The following IL1RAPL1 variants were observed in gnomAD, a reference collection of about 807,000 sequenced individuals.
The protein encoded by IL1RAPL1 is interleukin 1 receptor accessory protein like 1, also known as interleukin-1 receptor accessory protein-like 1.
A neutral mutation model predicts 48.4 loss-of-function variants in IL1RAPL1; 3 were observed. That is an observed-to-expected ratio of 0.06 (90% CI 0.03 to 0.16). The LOEUF (loss-of-function observed/expected upper bound fraction) is 0.16. Among genes scored for constraint, IL1RAPL1 ranks in the 10% least tolerant of loss-of-function variants. The pLI, the probability that IL1RAPL1 is intolerant of heterozygous loss-of-function variation, is 1.00. For missense variants in IL1RAPL1, 349 were observed against 530.6 expected (o/e 0.66, Z 3.36); for synonymous variants, 185 against 187.7 (o/e 0.99, Z 0.12).
chrX:29,886,415 A>C, intron 6 of IL1RAPL1, among the ~76,000 whole-genome samples: 1 of 112,178 alleles, frequency 8.9e-6, no homozygotes, highest in South Asian at 3.7e-4. Context: ...GGTTTTGATC[A>C]TATCAAGTTT....
intron 6 of IL1RAPL1, among the ~76,000 whole-genome samples, chrX:29,752,076 G>GTATATATATATA (rs200322927): frequency 1.1e-5 from 1 of 89,484 alleles, no homozygotes; most frequent in East Asian, 3.4e-4. Context: ...ATATATGTGT[G>GTATATATATATA]TATGTATATA....
In IL1RAPL1 at chrX:29,015,397, A is replaced by G. The variant is rs191653044; in HGVS notation, c.82+225972A>G. Reference sequence around the variant, plus strand: ...CTCTGTTTAAAAACATTTTCTAAATATCACAGTGAATTATATAGAATTCTG... The same window carrying G: ...CTCTGTTTAAAAACATTTTCTAAATGTCACAGTGAATTATATAGAATTCTG... On this transcript the variant is annotated intron_variant, in intron 2 of 10. Transcript: ENST00000378993. Among the ~76,000 whole-genome samples, 491 of 111,806 alleles carry G rather than the reference A, an allele frequency of 4.4e-3. 3 individuals are homozygous for G. Among genetic ancestry groups the G allele is most frequent in the Non-Finnish European group, 8.3e-3 (439 of 53,076 alleles).
chrX:29,239,695 T>C (rs767408160), intron 2 of IL1RAPL1, among the ~76,000 whole-genome samples: 1 of 110,195 alleles, frequency 9.1e-6, no homozygotes, highest in African/African-American at 3.4e-5. Context: ...TTGTAAACTT[T>C]CTTAAAACAT....
At chrX:29,011,176 T>C (rs1163110535) in intron 2 of IL1RAPL1, among the ~76,000 whole-genome samples, 3 of 111,683 alleles carry the variant, frequency 2.7e-5, no homozygotes. Flanking sequence ...TTTGTGCGGA[T>C]ATAAAATAGT....
intron 2 of IL1RAPL1, among the ~76,000 whole-genome samples, chrX:28,898,482 T>C (rs1472829437): frequency 3.6e-5 from 4 of 111,227 alleles, no homozygotes; most frequent in East Asian, 5.6e-4. Context: ...AAACTTCTTT[T>C]TTTCCCCCTT....
chrX:29,346,845 A>G (rs970201040), intron 3 of IL1RAPL1, among the ~76,000 whole-genome samples: 2 of 112,186 alleles, frequency 1.8e-5, no homozygotes, highest in African/African-American at 6.5e-5. Context: ...TTGTGTATGG[A>G]TTATACACTT....
At chrX:28,866,571 G>A (rs1322474146) in intron 2 of IL1RAPL1, among the ~76,000 whole-genome samples, 1 of 111,915 alleles carries the variant, frequency 8.9e-6, no homozygotes, top group African/African-American at 3.3e-5. Context: ...GAGTAGGCAT[G>A]AAGAAATGGA....
chrX:28,816,345 C>A (rs758644132), intron 2 of IL1RAPL1, among the ~76,000 whole-genome samples: 5 of 110,031 alleles, frequency 4.5e-5, no homozygotes, highest in African/African-American at 1.3e-4. Context: ...TCCCATCACC[C>A]AGTTACTGAG....
intron 2 of IL1RAPL1, among the ~76,000 whole-genome samples, chrX:29,099,004 T>C (rs967804663): frequency 9.0e-6 from 1 of 110,686 alleles, no homozygotes; most frequent in Non-Finnish European, 1.9e-5. Flanking sequence ...TGCAAAAAAT[T>C]AGCTGGGCAT....
At chrX:29,381,833 A>AAATATAT (rs1365599735) in intron 3 of IL1RAPL1, among the ~76,000 whole-genome samples, 10 of 25,389 alleles carry the variant, frequency 3.9e-4, no homozygotes, top group South Asian at 2.5e-3. Context: ...AAAAAAAAAA[A>AAATATAT]ATATATATAT....
chrX:28,985,399 G>A (rs1476370740), intron 2 of IL1RAPL1, among the ~76,000 whole-genome samples: 1 of 111,494 alleles, frequency 9.0e-6, no homozygotes, highest in Non-Finnish European at 1.9e-5. Context: ...CCATACTAAC[G>A]CATGGCCATT....
chrX:28,869,695 A>G (rs1266937318), intron 2 of IL1RAPL1, among the ~76,000 whole-genome samples: 1 of 111,616 alleles, frequency 9.0e-6, no homozygotes, highest in Non-Finnish European at 1.9e-5. Flanking sequence ...CTTTATTTTT[A>G]ACAGCTTTAT....
At chrX:29,677,144 C>A (rs748325734) in intron 6 of IL1RAPL1, among the ~76,000 whole-genome samples, 2 of 111,945 alleles carry the variant, frequency 1.8e-5, no homozygotes, top group African/African-American at 6.5e-5. Context: ...CATAAATTTC[C>A]TCTCAAATTT....
At chrX:28,814,887 C>T (rs1936843200) in intron 2 of IL1RAPL1, among the ~76,000 whole-genome samples, 1 of 109,330 alleles carries the variant, frequency 9.1e-6, no homozygotes, top group African/African-American at 3.3e-5. Context: ...TTGAAATATA[C>T]ATTATTAGCT....
intron 6 of IL1RAPL1, among the ~76,000 whole-genome samples, chrX:29,812,378 A>C (rs779644089): frequency 1.8e-5 from 2 of 111,907 alleles, no homozygotes; most frequent in East Asian, 5.6e-4. Flanking sequence ...ATTTTTTTGA[A>C]AATGACTAAA....
At chrX:29,248,687 G>A (rs1931558034) in intron 2 of IL1RAPL1, among the ~76,000 whole-genome samples, 1 of 112,191 alleles carries the variant, frequency 8.9e-6, no homozygotes, top group Non-Finnish European at 1.9e-5. Context: ...AGAGAATTAG[G>A]TGTTCGTACA....
intron 6 of IL1RAPL1, among the ~76,000 whole-genome samples, chrX:29,704,967 A>C (rs939124557): frequency 9.0e-6 from 1 of 111,075 alleles, no homozygotes; most frequent in Non-Finnish European, 1.9e-5. Flanking sequence ...GTTTTATTAC[A>C]TGGATATATT....
intron 8 of IL1RAPL1, among the ~76,000 whole-genome samples, chrX:29,924,900 A>ATCTT (rs773578056): frequency 8.9e-5 from 10 of 112,006 alleles, no homozygotes; most frequent in Non-Finnish European, 1.9e-4. Flanking sequence ...ACCTAAAAGT[A>ATCTT]TCTTTAGTAA....
chrX:29,001,375 C>T (rs1925849240), intron 2 of IL1RAPL1, among the ~76,000 whole-genome samples: 2 of 111,914 alleles, frequency 1.8e-5, no homozygotes, highest in South Asian at 7.4e-4. Context: ...TAGGAAATTA[C>T]TGCATAATTA....
Sources: gnomAD v4.1 joint callset for allele counts (sites outside exome capture counted in the v4.1 genomes callset) on GRCh38, gnomAD v4.1.1 for gene constraint, MANE v1.5 for transcripts, NCBI Gene and HGNC (gene_info 2026-07-23, HGNC 2026-07-21) for gene names.